Variants in PIP5K1C observed in about 807,000 individuals in gnomAD.
PIP5K1C encodes the protein phosphatidylinositol-4-phosphate 5-kinase type 1 gamma, also known as phosphatidylinositol 4-phosphate 5-kinase type-1 gamma.
Under a neutral mutation model 80.1 loss-of-function variants are expected in PIP5K1C, and 45 were observed. The ratio of observed to expected loss-of-function variants is 0.56; its 90% CI spans 0.44 to 0.72. PIP5K1C has a LOEUF of 0.72. Ranked by LOEUF, PIP5K1C falls within the 30% of genes least tolerant of loss-of-function variation. The pLI is 0.00. For synonymous variants in PIP5K1C, 498 were observed against 420.1 expected, an observed-to-expected ratio of 1.19 and a Z score of -2.27; for missense variants, 753 against 954.6, an observed-to-expected ratio of 0.79 and a Z score of 2.78.
intron 6 of PIP5K1C, 141 bp downstream of exon 6, chr19:3,656,264 G>T: frequency 1.1e-6 from 1 of 872,242 alleles, no homozygotes; most frequent in Non-Finnish European, 1.9e-6. Flanking sequence ...GACCCCCGAG[G>T]GTGAGTCCCC....
At chr19:3,698,166 G>C (rs563014243) in intron 1 of PIP5K1C, among the ~76,000 whole-genome samples, 74 of 152,364 alleles carry the variant, frequency 4.9e-4, no homozygotes, top group African/African-American at 1.7e-3. Flanking sequence ...CCACGGGCAT[G>C]GGCCTCAGCA....
chr19:3,697,652 G>C (rs2036168365), intron 1 of PIP5K1C, among the ~76,000 whole-genome samples: 1 of 152,174 alleles, frequency 6.6e-6, no homozygotes, highest in Non-Finnish European at 1.5e-5. Context: ...CAGGGGCAGG[G>C]ATGCAGCTGA....
At chr19:3,676,831 G>A (rs550195004) in intron 1 of PIP5K1C, among the ~76,000 whole-genome samples, 1 of 152,334 alleles carries the variant, frequency 6.6e-6, no homozygotes, top group Admixed American at 6.5e-5. Flanking sequence ...AGAAATATAA[G>A]ACCAGGCGAG....
At chr19:3,666,724 C>A (rs892868770) in intron 2 of PIP5K1C, among the ~76,000 whole-genome samples, 7 of 151,664 alleles carry the variant, frequency 4.6e-5, no homozygotes, top group Non-Finnish European at 8.8e-5. Flanking sequence ...TAGATGCACA[C>A]ACGCACGCAG....
intron 1 of PIP5K1C, among the ~76,000 whole-genome samples, chr19:3,681,677 T>C (rs2035594058): frequency 6.6e-6 from 1 of 152,108 alleles, no homozygotes; most frequent in Admixed American, 6.6e-5. Context: ...TTTACAGCTA[T>C]GTAAACTGAG....
intron 1 of PIP5K1C, among the ~76,000 whole-genome samples, chr19:3,693,746 G>C (rs947795339): frequency 6.6e-6 from 1 of 152,144 alleles, no homozygotes; most frequent in African/African-American, 2.4e-5. Context: ...CAGGCACTCA[G>C]GACACCCGCA....
intron 6 of PIP5K1C, among the ~76,000 whole-genome samples, chr19:3,655,874 C>T (rs1033351869): frequency 6.6e-6 from 1 of 152,234 alleles, no homozygotes; most frequent in Non-Finnish European, 1.5e-5. Context: ...GCTCCTACTC[C>T]TACTCCCCCC....
intron 1 of PIP5K1C, among the ~76,000 whole-genome samples, chr19:3,676,641 G>A (rs1379656010): frequency 6.6e-6 from 1 of 152,176 alleles, no homozygotes; most frequent in South Asian, 2.1e-4. Flanking sequence ...TTGACAGGCC[G>A]GGAAATGGGG....
intron 2 of PIP5K1C, among the ~76,000 whole-genome samples, chr19:3,665,517 C>T (rs1442182080): frequency 6.6e-6 from 1 of 152,122 alleles, no homozygotes; most frequent in Non-Finnish European, 1.5e-5. Context: ...CCTGCCAACA[C>T]GGTGTGAGCC....
intron 1 of PIP5K1C, among the ~76,000 whole-genome samples, chr19:3,675,898 G>A (rs1415052273): frequency 6.6e-6 from 1 of 152,206 alleles, no homozygotes; most frequent in Non-Finnish European, 1.5e-5. Flanking sequence ...GTGTCCCCAG[G>A]GGGGCAGGAT....
At chr19:3,663,096 C>T (rs2034891473) in intron 3 of PIP5K1C, among the ~76,000 whole-genome samples, 1 of 152,158 alleles carries the variant, frequency 6.6e-6, no homozygotes, top group African/African-American at 2.4e-5. Flanking sequence ...CAACTCCTGA[C>T]CTCTGGTGAT....
At chr19:3,678,296 G>A (rs1388054911) in intron 1 of PIP5K1C, among the ~76,000 whole-genome samples, 8 of 137,874 alleles carry the variant, frequency 5.8e-5, no homozygotes, top group East Asian at 4.8e-4. Context: ...AGGGATGGAG[G>A]GATGGAGGGA....
In PIP5K1C at chr19:3,664,979, C is replaced by G. The variant is rs2034963017; in HGVS notation, c.127-65G>C. ...CACGCCCACCGGGACAGGGCACGCT[C>G]TGAAACCCTGGGAAGAAAGGTTTAG... On this transcript the variant is annotated intron_variant, in intron 2 of 17. Coordinates refer to ENST00000335312, the MANE Select transcript of PIP5K1C (RefSeq NM_012398.3). The G allele has an allele frequency of 4.6e-6, 6 of 1,307,732 alleles. No individual in the cohort carries two copies. In the East Asian group the frequency reaches 1.4e-4, roughly 30 times the overall value. 81.0% of individuals were successfully genotyped at this position (1,307,732 alleles called of 1,614,324 possible).
chr19:3,691,759 C>T (rs909255320), intron 1 of PIP5K1C, among the ~76,000 whole-genome samples: 2 of 152,206 alleles, frequency 1.3e-5, no homozygotes, highest in African/African-American at 2.4e-5. Flanking sequence ...AAGCATAGAG[C>T]CTTTACTGCA....
rs772982601 is a variant in PIP5K1C, at chr19:3,633,037, G to T, written c.*130C>A. 65 of 649,528 alleles carry T rather than the reference G, an allele frequency of 1.0e-4. No individual in the cohort carries two copies. The highest frequency in any genetic ancestry group is 9.1e-5 in the Non-Finnish European group (32 of 351,658). 40.2% of individuals were successfully genotyped at this position (649,528 alleles called of 1,614,324 possible). On this transcript the variant is annotated 3_prime_UTR_variant, in exon 18 of 18. Transcript: ENST00000335312. ...CCGGCCGTCGGCATCCGTGCAGGGG[G>T]AGGACGAGGTCCGGTGGGGCGGCGA...
rs1270729838 is a variant in PIP5K1C, at chr19:3,687,557, ACG to A, written c.94+12738_94+12739del. ...CACACACATACATGCACACATGCACACGCACACACATGCACACGCACACACAT... is the reference window on the plus strand; with the variant it reads ...CACACACATACATGCACACATGCACACACACACATGCACACGCACACACAT... On this transcript the variant is annotated intron_variant, in intron 1 of 17. Coordinates refer to ENST00000335312, the MANE Select transcript of PIP5K1C (RefSeq NM_012398.3). Among the ~76,000 whole-genome samples, 25 of 146,150 alleles carry A rather than the reference ACG, an allele frequency of 1.7e-4. 1 individual carries two copies. The highest frequency in any genetic ancestry group is 6.0e-4 in the African/African-American group (24 of 40,096).
chr19:3,684,602 C>A (rs932660795), intron 1 of PIP5K1C, among the ~76,000 whole-genome samples: 1 of 152,242 alleles, frequency 6.6e-6, no homozygotes, highest in Non-Finnish European at 1.5e-5. Context: ...CAGAACCGAC[C>A]TGCTGAGCCC....
At chr19:3,667,938 C>A (rs969087566) in intron 1 of PIP5K1C, among the ~76,000 whole-genome samples, 1 of 152,138 alleles carries the variant, frequency 6.6e-6, no homozygotes, top group Non-Finnish European at 1.5e-5. Flanking sequence ...TGGGCAGCTG[C>A]GGTCAGTGGG....
Position 3,637,411 on chromosome 19 carries a change from T to C in PIP5K1C, c.1920+1473A>G. The C allele has an allele frequency of 6.5e-7, 1 of 1,535,564 alleles. No individual in the cohort carries two copies. Among genetic ancestry groups the C allele is most frequent in the Non-Finnish European group, 8.7e-7 (1 of 1,146,778 alleles). On this transcript the variant is annotated intron_variant, in intron 16 of 17. Coordinates refer to ENST00000335312, the MANE Select transcript of PIP5K1C (RefSeq NM_012398.3). The surrounding 1 kb of genome is among the most constrained non-coding windows in gnomAD (Gnocchi z 7.0). Reference sequence around the variant, plus strand: ...GCTGACCTCAATTGCAGCCGTGATTTACCCAAAGCCCTTCTGGAAAACAAC... The same window carrying C: ...GCTGACCTCAATTGCAGCCGTGATTCACCCAAAGCCCTTCTGGAAAACAAC...
Sources: gnomAD v4.1 joint callset for allele counts (sites outside exome capture counted in the v4.1 genomes callset) on GRCh38, gnomAD v4.1.1 for gene constraint, Gnocchi (gnomAD v3.1) non-coding constraint, MANE v1.5 for transcripts, NCBI Gene and HGNC (gene_info 2026-07-23, HGNC 2026-07-21) for gene names.